TEKT1: variants seen among roughly 807,000 people sequenced by gnomAD.
TEKT1 encodes the protein tektin-1.
Under a neutral mutation model 34.8 loss-of-function variants are expected in TEKT1, and 32 were observed. The ratio of observed to expected loss-of-function variants is 0.92; its 90% CI spans 0.69 to 1.23. The LOEUF is 1.23. Ranked by LOEUF, TEKT1 falls within the 50% of genes most tolerant of loss-of-function variation. The pLI is 0.00. For synonymous variants in TEKT1, 207 were observed against 199.8 expected (o/e 1.04, Z -0.30); for missense variants, 492 against 518.5 (o/e 0.95, Z 0.50).
chr17:6,816,136 T>C (rs1977005276), intron 3 of TEKT1, among the ~76,000 whole-genome samples, 174 bp from the exon 4 acceptor site: 1 of 152,222 alleles, frequency 6.6e-6, no homozygotes, highest in Admixed American at 6.5e-5. Context: ...CTTCAAAATA[T>C]CCAAACACAA....
intron 2 of TEKT1, among the ~76,000 whole-genome samples, chr17:6,823,121 T>A (rs1251763606): frequency 1.3e-5 from 2 of 152,184 alleles, no homozygotes; most frequent in African/African-American, 4.8e-5. Flanking sequence ...CAAGTAGACA[T>A]TCATTGAACC....
chr17:6,829,742 T>C (rs1014705664), intron 2 of TEKT1, among the ~76,000 whole-genome samples: 25 of 152,028 alleles, frequency 1.6e-4, no homozygotes. Context: ...TTTATTTGTA[T>C]TCTTTAATTG....
chr17:6,830,294 T>C lies in TEKT1; in HGVS notation c.83A>G (p.Asp28Gly). Reference sequence around the variant, plus strand: ...GCGTTCTGATCGGGACCTTTGAGCGTCTGCTCTGTGGTACTGGTTCTTGTT... The same window carrying C: ...GCGTTCTGATCGGGACCTTTGAGCGCCTGCTCTGTGGTACTGGTTCTTGTT... ...IANKNQYHRA[D>G]AQRSRSERLV... Residue 28 changes from aspartate (D) to glycine (G), a missense_variant, in exon 2 of 8, where the codon GAC becomes GGC. Coordinates refer to ENST00000338694, the MANE Select transcript of TEKT1 (RefSeq NM_053285.2). 3 of 1,613,594 alleles carry C rather than the reference T, an allele frequency of 1.9e-6. No homozygotes were observed. Among genetic ancestry groups the C allele is most frequent in the Non-Finnish European group, 2.5e-6 (3 of 1,179,962 alleles).
chr17:6,821,007 C>T (rs115680493), intron 2 of TEKT1, among the ~76,000 whole-genome samples: 2,966 of 152,190 alleles, frequency 0.019, 77 homozygotes, highest in African/African-American at 0.067. Flanking sequence ...CCTCCATTTC[C>T]TTCTAATTTC....
At chr17:6,807,664 G>C (rs1325439101) in intron 6 of TEKT1, among the ~76,000 whole-genome samples, 1 of 152,148 alleles carries the variant, frequency 6.6e-6, no homozygotes. Context: ...TGTCCTTTCT[G>C]TTTGTTAGTT....
intron 6 of TEKT1, among the ~76,000 whole-genome samples, chr17:6,802,478 TA>T (rs1976787766): frequency 6.6e-6 from 1 of 152,152 alleles, no homozygotes; most frequent in Non-Finnish European, 1.5e-5. Flanking sequence ...AGGTGAATTT[TA>T]TTTTTTTATT....
chr17:6,822,806 A>G (rs1033745815), intron 2 of TEKT1, among the ~76,000 whole-genome samples: 5 of 152,070 alleles, frequency 3.3e-5, no homozygotes, highest in Admixed American at 2.6e-4. Context: ...GCTTTCCTCA[A>G]TTATTTGGTG....
chr17:6,816,662 T>C (rs1388095365), intron 3 of TEKT1, among the ~76,000 whole-genome samples: 1 of 152,208 alleles, frequency 6.6e-6, no homozygotes, highest in East Asian at 1.9e-4. Context: ...TCCAAGTCTT[T>C]GCTATTGTGA....
At chr17:6,804,638 A>G (rs1344173498) in intron 6 of TEKT1, among the ~76,000 whole-genome samples, 3 of 152,340 alleles carry the variant, frequency 2.0e-5, no homozygotes, top group South Asian at 2.1e-4. Context: ...ATGTCCCATC[A>G]ATACCTAATT....
intron 2 of TEKT1, among the ~76,000 whole-genome samples, chr17:6,829,540 G>T (rs1597796146): frequency 7.4e-6 from 1 of 135,556 alleles, no homozygotes; most frequent in African/African-American, 2.8e-5. Flanking sequence ...ATGAAACAGG[G>T]TCTTGGTATA....
At chr17:6,825,227 G>A (rs748100889) in intron 2 of TEKT1, among the ~76,000 whole-genome samples, 54 of 152,332 alleles carry the variant, frequency 3.5e-4, no homozygotes, top group Non-Finnish European at 6.5e-4. Context: ...ATTGTAGAGA[G>A]ATCAAGTTGG....
At chr17:6,803,229 G>A (rs1309817603) in intron 6 of TEKT1, among the ~76,000 whole-genome samples, 8 of 152,008 alleles carry the variant, frequency 5.3e-5, no homozygotes, top group Admixed American at 2.0e-4. Flanking sequence ...GCATTTTTTC[G>A]TGTGTCTTTT....
rs760593233 is a variant in TEKT1 at position 6,799,268 on chromosome 17, C to T, written c.*759G>A. 2.0e-5 allele frequency: 3 copies of T among 152,176 alleles called. No homozygotes were observed. The highest frequency in any genetic ancestry group is 4.8e-5 in the African/African-American group (2 of 41,432). 9.4% of individuals were successfully genotyped at this position (152,176 alleles called of 1,614,324 possible). A position where few individuals can be genotyped will look rare whatever the true frequency, so the allele number is the denominator to read the frequency against. ...AATAATTATAAAGACAATTTAGCAACATGAACAAAGGCTTGCAATAATTAG... is the reference window on the plus strand; with the variant it reads ...AATAATTATAAAGACAATTTAGCAATATGAACAAAGGCTTGCAATAATTAG... On this transcript the variant is annotated 3_prime_UTR_variant, in exon 8 of 8. Transcript: ENST00000338694.
intron 2 of TEKT1, among the ~76,000 whole-genome samples, chr17:6,820,293 C>A (rs933806338): frequency 1.3e-5 from 2 of 151,688 alleles, no homozygotes; most frequent in Non-Finnish European, 2.9e-5. Context: ...TTTTGCTTCA[C>A]TTTCTTTTTT....
Position 6,812,879 on chromosome 17 carries a change from C to A in TEKT1, c.804G>T (p.Leu268=). The change falls in exon 6 of 8, where the codon CTG becomes CTT. Residue 268 remains leucine (L), a synonymous_variant. Transcript: ENST00000338694. ...DVVDTAFKNG[L]KDTKDARDKL... is the part of the protein sequence containing the mutation. ...TGTCCCTGGCATCCTTTGTATCCTT[C>A]AGCCCATTCTTGAATGCCGTGTCCA... is the stretch of plus-strand genomic sequence containing the variant. The A allele has an allele frequency of 6.2e-7, 1 of 1,614,208 alleles. No homozygotes were observed. The highest frequency in any genetic ancestry group is 8.5e-7 in the Non-Finnish European group (1 of 1,180,050).
At chr17:6,808,055 T>G (rs973019864) in intron 6 of TEKT1, among the ~76,000 whole-genome samples, 4 of 152,086 alleles carry the variant, frequency 2.6e-5, no homozygotes, top group African/African-American at 9.7e-5. Context: ...GGCAGTACCC[T>G]CCCCCAGAGG....
intron 1 of TEKT1, 41 bp from the exon 2 acceptor site, chr17:6,830,434 T>C: frequency 7.5e-7 from 1 of 1,341,498 alleles, no homozygotes; most frequent in South Asian, 1.5e-5. Context: ...TGAAAGCAAT[T>C]TGTCCTTTTT....
intron 2 of TEKT1, among the ~76,000 whole-genome samples, chr17:6,829,706 G>A (rs1409395908): frequency 6.6e-6 from 1 of 151,870 alleles, no homozygotes; most frequent in Non-Finnish European, 1.5e-5. Flanking sequence ...CAAATACTAT[G>A]TAAATAGCTG....
In TEKT1 at chr17:6,800,793, A is replaced by G. The variant is rs774355734; in HGVS notation, c.1003T>C (p.Tyr335His). The stretch of plus-strand genomic sequence containing the variant: ...TCTTGAACCTCCTTCATTAGCCTAT[A>G]TTGTGCGACATCACGACACAGCTCC... ...NVELCRDVAQ[Y>H]RLMKEVQEIT... Residue 335 changes from tyrosine (Y) to histidine (H), a missense_variant, in exon 7 of 8, where the codon TAT (tyrosine) becomes CAT (histidine). Tyr to His is a moderately conservative substitution (Grantham distance 83). Coordinates refer to ENST00000338694, the MANE Select transcript of TEKT1 (RefSeq NM_053285.2). The G allele has an allele frequency of 5.0e-6, 8 of 1,613,994 alleles. No homozygotes were observed. The highest frequency in any genetic ancestry group is 4.5e-5 in the East Asian group (2 of 44,898).
Sources: gnomAD v4.1 joint callset for allele counts (sites outside exome capture counted in the v4.1 genomes callset) on GRCh38, gnomAD v4.1.1 for gene constraint, MANE v1.5 for transcripts, NCBI Gene and HGNC (gene_info 2026-07-23, HGNC 2026-07-21) for gene names.